The following TAF10 variants were observed in gnomAD, a reference collection of about 807,000 sequenced individuals.
TAF10 encodes the protein transcription initiation factor TFIID subunit 10.
TAF10 carries 2 observed loss-of-function variants against 18.1 expected under a neutral mutation model. The ratio of observed to expected loss-of-function variants is 0.11; its 90% CI spans 0.05 to 0.35. TAF10 has a LOEUF of 0.35. TAF10 is among the 10% of genes least tolerant of loss of function. TAF10 has a pLI of 1.00. For missense variants in TAF10, 293 were observed against 306.9 expected (o/e 0.95, Z 0.34); for synonymous variants, 158 against 134.6 (o/e 1.17, Z -1.20).
At position 6,610,093 on chromosome 11, in the gene TAF10, G is replaced by C. The variant is rs1855348783; in HGVS notation, c.*829C>G. ...AGGACCACCTCAGAAGTAGTGGAAG[G>C]GGGCAGAGACAGGACAGGCAAGGGG... On this transcript the variant is annotated 3_prime_UTR_variant, in exon 5 of 5. Coordinates refer to ENST00000299424, the MANE Select transcript of TAF10 (RefSeq NM_006284.4). 2.5e-6 allele frequency: 4 copies of C among 1,614,000 alleles called. No homozygotes were observed. The highest frequency in any genetic ancestry group is 1.7e-5 in the Admixed American group (1 of 59,982).
chr11:6,611,222 G>T lies in TAF10; in HGVS notation c.534C>A (p.Gly178=). 1 of 1,614,092 alleles carries T rather than the reference G, an allele frequency of 6.2e-7. No individual in the cohort carries two copies. Residue 178 remains glycine, a synonymous_variant, in exon 4 of 5, where the codon GGC becomes GGA. Transcript: ENST00000299424. ...NDALQHCKMK[G]TASGSSRSKS... Reference sequence around the variant, plus strand: ...TGCTCCGGGAGCTGCCGGAGGCCGTGCCCTTCATTTTGCAGTGCTGTAGGG... The same window carrying T: ...TGCTCCGGGAGCTGCCGGAGGCCGTTCCCTTCATTTTGCAGTGCTGTAGGG...
In TAF10 at chr11:6,612,003, G is replaced by T. The variant is rs1272869938; in HGVS notation, c.187C>A (p.Pro63Thr). 6.5e-7 allele frequency: 1 copy of T among 1,547,768 alleles called. No homozygotes were observed. The highest frequency in any genetic ancestry group is 1.4e-5 in the African/African-American group (1 of 73,206). The change falls in exon 1 of 5, where the codon CCC becomes ACC. Residue 63 changes from proline (P) to threonine (T), a missense_variant. By Grantham distance (38) the Pro-to-Thr change is conservative. Coordinates refer to ENST00000299424, the MANE Select transcript of TAF10 (RefSeq NM_006284.4). ...GGCTCCCCGGCCCGCGCCGCCAAGG[G>T]TCCCGTGCCCCCAGCAGCTGCTCCA... The part of the protein sequence containing the change: ...GAGAAAGGTG[P>T]LAARAGEPAE...
Position 6,610,578 on chromosome 11 carries a change from T to C in TAF10, c.*344A>G. On this transcript the variant is annotated 3_prime_UTR_variant, in exon 5 of 5. Transcript: ENST00000299424. ...CAAAGCGACCCAAATTTGACATGAT[T>C]GTGCCTATCCTTGAGAAGATGCAGG... is the stretch of plus-strand genomic sequence containing the variant. The C allele has an allele frequency of 1.9e-6, 3 of 1,614,208 alleles. No homozygotes were observed. The highest frequency in any genetic ancestry group is 2.5e-6 in the Non-Finnish European group (3 of 1,180,026).
Position 6,608,122 on chromosome 11 carries a change from CG to C in TAF10, c.*2799del. On this transcript the variant is annotated 3_prime_UTR_variant, in exon 5 of 5. Transcript: ENST00000299424. This position sits in a 1 kb window ranked among gnomAD's most constrained non-coding sequence, Gnocchi z 4.9. ...TGCTGTGGTTGAGATGTTGATCATG[CG>C]GGGGGCACGGATCAATGTAATGAAC... 6.2e-7 allele frequency: 1 copy of C among 1,614,072 alleles called. No homozygotes were observed. The highest frequency in any genetic ancestry group is 8.5e-7 in the Non-Finnish European group (1 of 1,179,980).
Position 6,610,964 on chromosome 11 carries a change from G to A in TAF10, c.615C>T (p.Ser205=), listed in dbSNP as rs750442360. 2 of 1,614,218 alleles carry A rather than the reference G, an allele frequency of 1.2e-6. No homozygotes were observed. The highest frequency in any genetic ancestry group is 2.2e-5 in the East Asian group (1 of 44,882). ...GCTTCTTCACATTGATGCCATACTC[G>A]CTGAGGGCAGGGGTCAAGTCCTCCA... ...LTMEDLTPAL[S]EYGINVKKPH... The change falls in exon 5 of 5, where the codon AGC becomes AGT. Residue 205 remains serine (S), a synonymous_variant. Transcript: ENST00000299424.
intron 4 of TAF10, 66 bp from the exon 5 acceptor site, chr11:6,611,077 C>T (rs1855441963): frequency 6.3e-7 from 1 of 1,597,904 alleles, no homozygotes. Context: ...AGATGGGTGA[C>T]CCTGAGTAAG....
rs1336689318 is a variant in TAF10, at chr11:6,609,410, T to C, written c.*1512A>G. The C allele has an allele frequency of 6.2e-7, 1 of 1,613,782 alleles. No individual in the cohort carries two copies. The highest frequency in any genetic ancestry group is 8.5e-7 in the Non-Finnish European group (1 of 1,179,886). On this transcript the variant is annotated 3_prime_UTR_variant, in exon 5 of 5. Transcript: ENST00000299424. ...CAATGAAGAGTGTCCCCGGCTCAGGTAGTGCAAGGCGTAACCTGGAAGCTG... is the reference window on the plus strand; with the variant it reads ...CAATGAAGAGTGTCCCCGGCTCAGGCAGTGCAAGGCGTAACCTGGAAGCTG...
Position 6,608,433 on chromosome 11 carries a change from C to T in TAF10, c.*2489G>A, listed in dbSNP as rs1429815250. ...GGCAGACATCAATGCAGTGAATGAA[C>T]ACGGGAATGTGCCCCTGCACTATGC... On this transcript the variant is annotated 3_prime_UTR_variant, in exon 5 of 5. Transcript: ENST00000299424. The surrounding 1 kb of genome is among the most constrained non-coding windows in gnomAD (Gnocchi z 4.9). 3 of 1,614,182 alleles carry T rather than the reference C, an allele frequency of 1.9e-6. No homozygotes were observed. The highest frequency in any genetic ancestry group is 1.1e-5 in the South Asian group (1 of 91,084).
chr11:6,606,806 C>T lies in TAF10; in HGVS notation c.*4116G>A, dbSNP rs1443199778. 3.9e-5 allele frequency: 6 copies of T among 152,118 alleles called. No individual in the cohort carries two copies. Among genetic ancestry groups the T allele is most frequent in the Non-Finnish European group, 4.4e-5 (3 of 68,050 alleles). 9.4% of individuals were successfully genotyped at this position (152,118 alleles called of 1,614,324 possible). On this transcript the variant is annotated 3_prime_UTR_variant, in exon 5 of 5. Transcript: ENST00000299424. ...CCCTTGTGCCCATACTTTTGCCCCC[C>T]GAGTTTGGCCTGCCCTGGCGCCACA...
rs780353492 is a variant in TAF10, at chr11:6,609,690, C to CAT, written c.*1231_*1232insAT. ...GGGGAGGAAATGGCAGAGAGGGAGCCTCTCTGAACTATTTGACTTTTGCCT... is the reference window on the plus strand; with the variant it reads ...GGGGAGGAAATGGCAGAGAGGGAGCCATTCTCTGAACTATTTGACTTTTGCCT... On this transcript the variant is annotated 3_prime_UTR_variant, in exon 5 of 5. Transcript: ENST00000299424. The CAT allele has an allele frequency of 1.9e-6, 3 of 1,614,052 alleles. No homozygotes were observed. Among genetic ancestry groups the CAT allele is most frequent in the Non-Finnish European group, 2.5e-6 (3 of 1,180,034 alleles).
In TAF10 at chr11:6,609,402, G is replaced by A. The variant is rs773215648; in HGVS notation, c.*1520C>T. ...AGGGACTTCAATGAAGAGTGTCCCC[G>A]GCTCAGGTAGTGCAAGGCGTAACCT... is the stretch of plus-strand genomic sequence containing the variant. On this transcript the variant is annotated 3_prime_UTR_variant, in exon 5 of 5. Coordinates refer to ENST00000299424, the MANE Select transcript of TAF10 (RefSeq NM_006284.4). The A allele has an allele frequency of 3.7e-6, 6 of 1,613,898 alleles. No individual in the cohort carries two copies. In the Admixed American group the frequency reaches 5.0e-5, roughly 13 times the overall value.
In TAF10 at chr11:6,608,127, G is replaced by A. The variant is rs199880663; in HGVS notation, c.*2795C>T. On this transcript the variant is annotated 3_prime_UTR_variant, in exon 5 of 5. Transcript: ENST00000299424. This position sits in a 1 kb window ranked among gnomAD's most constrained non-coding sequence, Gnocchi z 4.9. The stretch of plus-strand genomic sequence containing the variant: ...TGGTTGAGATGTTGATCATGCGGGG[G>A]GCACGGATCAATGTAATGAACCGTG... 8 of 1,614,106 alleles carry A rather than the reference G, an allele frequency of 5.0e-6. No homozygotes were observed. In the East Asian group the frequency reaches 1.1e-4, roughly 22 times the overall value.
chr11:6,610,563 C>G lies in TAF10; in HGVS notation c.*359G>C. ...TGAATGAAGACCCTGCAAAGCGACC[C>G]AAATTTGACATGATTGTGCCTATCC... On this transcript the variant is annotated 3_prime_UTR_variant, in exon 5 of 5. Coordinates refer to ENST00000299424, the MANE Select transcript of TAF10 (RefSeq NM_006284.4). 2 of 1,614,204 alleles carry G rather than the reference C, an allele frequency of 1.2e-6. No individual in the cohort carries two copies. Among genetic ancestry groups the G allele is most frequent in the Middle Eastern group, 3.3e-4 (2 of 6,062 alleles).
At chr11:6,611,540 G>C in intron 2 of TAF10, 88 bp from the exon 3 acceptor site, 4 of 1,593,390 alleles carry the variant, frequency 2.5e-6, no homozygotes, top group Non-Finnish European at 2.6e-6. Flanking sequence ...CTCACAGTTT[G>C]GGTGAGCAGA....
chr11:6,609,880 A>G lies in TAF10; in HGVS notation c.*1042T>C, dbSNP rs1279261709. The G allele has an allele frequency of 6.2e-7, 1 of 1,614,206 alleles. No individual in the cohort carries two copies. The highest frequency in any genetic ancestry group is 1.7e-5 in the Admixed American group (1 of 60,030). ...CAAGCTCACTCCTGGCCCAGGCCCC[A>G]AAAGCCCTTTGCCTATCTATGACTT... On this transcript the variant is annotated 3_prime_UTR_variant, in exon 5 of 5. Coordinates refer to ENST00000299424, the MANE Select transcript of TAF10 (RefSeq NM_006284.4).
In TAF10 at chr11:6,610,949, A is replaced by G; in HGVS notation, c.630T>C (p.Asn210=). Residue 210 remains asparagine (N), a synonymous_variant, in exon 5 of 5, where the codon AAT becomes AAC. Coordinates refer to ENST00000299424, the MANE Select transcript of TAF10 (RefSeq NM_006284.4). ...LTPALSEYGI[N]VKKPHYFT is the part of the protein sequence containing the mutation. The stretch of plus-strand genomic sequence containing the variant: ...AGGTGAAGTAGTGCGGCTTCTTCAC[A>G]TTGATGCCATACTCGCTGAGGGCAG... 1 of 1,614,182 alleles carries G rather than the reference A, an allele frequency of 6.2e-7. No individual in the cohort carries two copies. Among genetic ancestry groups the G allele is most frequent in the South Asian group, 1.1e-5 (1 of 91,084 alleles).
In TAF10 at chr11:6,608,377, C is replaced by T. The variant is rs757633021; in HGVS notation, c.*2545G>A. ...TGTACTTTCTGCCTCTTCTTTTTGT[C>T]TGGCCATGGGGTCCAGCTATTGCAG... On this transcript the variant is annotated 3_prime_UTR_variant, in exon 5 of 5. Coordinates refer to ENST00000299424, the MANE Select transcript of TAF10 (RefSeq NM_006284.4). This position sits in a 1 kb window ranked among gnomAD's most constrained non-coding sequence, Gnocchi z 4.9. 6.2e-7 allele frequency: 1 copy of T among 1,610,920 alleles called. No individual in the cohort carries two copies. The highest frequency in any genetic ancestry group is 2.2e-5 in the East Asian group (1 of 44,868).
Position 6,611,376 on chromosome 11 carries a change from G to C in TAF10, c.452+12C>G. 6.2e-7 allele frequency: 1 copy of C among 1,614,170 alleles called. No homozygotes were observed. Among genetic ancestry groups the C allele is most frequent in the Middle Eastern group, 1.6e-4 (1 of 6,062 alleles). On this transcript the variant is annotated intron_variant, in intron 3 of 4. Transcript: ENST00000299424. ...CAAGCACCCAAAACTAACCTGCCCT[G>C]GGTTTACTCACATGCGTGGGTCTGA...
chr11:6,609,920 G>C lies in TAF10; in HGVS notation c.*1002C>G, dbSNP rs1564849157. 1.2e-6 allele frequency: 2 copies of C among 1,614,020 alleles called. 1 individual carries two copies. The highest frequency in any genetic ancestry group is 3.3e-5 in the Admixed American group (2 of 60,010). ...ATCTATGACTTACCTCCTTCTATCT[G>C]TTTTCTCTTCCTCAGATTGATGAGG... On this transcript the variant is annotated 3_prime_UTR_variant, in exon 5 of 5. Transcript: ENST00000299424.
Sources: gnomAD v4.1 joint callset for allele counts on GRCh38, gnomAD v4.1.1 for gene constraint, Gnocchi (gnomAD v3.1) non-coding constraint, MANE v1.5 for transcripts, NCBI Gene and HGNC (gene_info 2026-07-23, HGNC 2026-07-21) for gene names.